SPICE1: variants seen among roughly 807,000 people sequenced by gnomAD.
SPICE1 encodes the protein spindle and centriole associated protein 1.
Under a neutral mutation model 102.7 loss-of-function variants are expected in SPICE1, and 75 were observed. The observed-to-expected ratio is 0.73, with a 90% CI of 0.61 to 0.88. The LOEUF (loss-of-function observed/expected upper bound fraction) is 0.88. Ranked by LOEUF, SPICE1 falls within the 40% of genes least tolerant of loss-of-function variation. The pLI is 0.00. For synonymous variants in SPICE1, 308 were observed against 350.3 expected, an observed-to-expected ratio of 0.88 and a Z score of 1.35; for missense variants, 979 against 1,020.1, an observed-to-expected ratio of 0.96 and a Z score of 0.55.
At chr3:113,488,387 A>G (rs936117146) in intron 7 of SPICE1, among the ~76,000 whole-genome samples, 1 of 152,362 alleles carries the variant, frequency 6.6e-6, no homozygotes, top group Non-Finnish European at 1.5e-5. Flanking sequence ...AAAATGTGGT[A>G]TAGACACACC....
intron 7 of SPICE1, among the ~76,000 whole-genome samples, chr3:113,480,758 G>A (rs779899209): frequency 6.6e-5 from 10 of 151,906 alleles, no homozygotes; most frequent in Non-Finnish European, 1.2e-4. Flanking sequence ...TTGCATGCCT[G>A]TAGTCCCGGC....
At chr3:113,502,461 T>C (rs947232343) in intron 3 of SPICE1, among the ~76,000 whole-genome samples, 5 of 152,062 alleles carry the variant, frequency 3.3e-5, no homozygotes, top group Admixed American at 1.3e-4. Flanking sequence ...ACAAAGTACA[T>C]TGGTCATTGC....
At chr3:113,484,753 T>C (rs1936604598) in intron 7 of SPICE1, among the ~76,000 whole-genome samples, 1 of 151,970 alleles carries the variant, frequency 6.6e-6, no homozygotes, top group South Asian at 2.1e-4. Context: ...CTGTTTGTTA[T>C]GATTTCCATT....
Position 113,446,660 on chromosome 3 carries a change from C to G in SPICE1, c.2443G>C (p.Gly815Arg), listed in dbSNP as rs374736447. ...INTRRSSGAT[G>R]NSCSPLNATS... ...GCATTTAGTGGAGAACAAGAATTAC[C>G]AGTAGCCCCGGAAGATCTATTCATG... Residue 815 changes from glycine (G) to arginine (R), a missense_variant, in exon 17 of 18, where the codon GGT (glycine) becomes CGT (arginine). Physicochemically the swap from Gly to Arg is moderately radical, Grantham distance 125. Coordinates refer to ENST00000295872, the MANE Select transcript of SPICE1 (RefSeq NM_144718.4). 3.7e-6 allele frequency: 6 copies of G among 1,613,104 alleles called. No homozygotes were observed. The African/African-American group carries it at 8.0e-5, about 22-fold the overall frequency.
chr3:113,473,688 G>C (rs1374668221), intron 7 of SPICE1, among the ~76,000 whole-genome samples: 1 of 151,376 alleles, frequency 6.6e-6, no homozygotes, highest in African/African-American at 2.4e-5. Flanking sequence ...GCCAAACTAA[G>C]CTTCATAAGT....
Position 113,453,954 on chromosome 3 carries a change from T to C in SPICE1, c.1658-4A>G, listed in dbSNP as rs1224076334. 6 of 1,579,364 alleles carry C rather than the reference T, an allele frequency of 3.8e-6. No individual in the cohort carries two copies. Among genetic ancestry groups the C allele is most frequent in the East Asian group, 4.5e-5 (2 of 44,502 alleles). On this transcript the variant is annotated splice_polypyrimidine_tract_variant and splice_region_variant and intron_variant, in intron 13 of 17. Transcript: ENST00000295872. ...GTTTGAACAGTCCTTCTCAATACTA[T>C]AGATAAGAATTTAAAAATAACAAAT...
intron 15 of SPICE1, among the ~76,000 whole-genome samples, chr3:113,448,681 CTAAG>C (rs1935572822): frequency 6.6e-6 from 1 of 152,098 alleles, no homozygotes; most frequent in African/African-American, 2.4e-5. Flanking sequence ...AGCATATTTA[CTAAG>C]TATTTACTAA....
At chr3:113,461,304 T>C (rs1446874826) in intron 11 of SPICE1, among the ~76,000 whole-genome samples, 1 of 151,740 alleles carries the variant, frequency 6.6e-6, no homozygotes. Flanking sequence ...GATATTCTCA[T>C]CTTTGTCTAT....
At position 113,493,277 on chromosome 3, in the gene SPICE1, G is replaced by T; in HGVS notation, c.421C>A (p.Gln141Lys). 6.2e-7 allele frequency: 1 copy of T among 1,613,954 alleles called. No homozygotes were observed. Among genetic ancestry groups the T allele is most frequent in the Non-Finnish European group, 8.5e-7 (1 of 1,179,926 alleles). Residue 141 changes from glutamine to lysine, a missense_variant, in exon 6 of 18, where the codon CAG becomes AAG. Physicochemically the swap from Gln to Lys is moderately conservative, Grantham distance 53 (BLOSUM62 1). Transcript: ENST00000295872. ...PNVTVAPDSS[Q>K]GPIVVNQDPI... Reference sequence around the variant, plus strand: ...TCTTGATTTACCACAATGGGACCCTGAGAGGAATCAGGAGCCACTGTTACA... The same window carrying T: ...TCTTGATTTACCACAATGGGACCCTTAGAGGAATCAGGAGCCACTGTTACA...
intron 4 of SPICE1, among the ~76,000 whole-genome samples, chr3:113,498,501 G>A (rs1446749864): frequency 6.6e-6 from 1 of 152,126 alleles, no homozygotes; most frequent in Admixed American, 6.5e-5. Flanking sequence ...ACATTTAAAT[G>A]TATGCGACTT....
chr3:113,501,826 C>A (rs1287452765), intron 3 of SPICE1, among the ~76,000 whole-genome samples: 1 of 152,144 alleles, frequency 6.6e-6, no homozygotes, highest in African/African-American at 2.4e-5. Context: ...GCAGCCACTT[C>A]ATAGAACAGT....
At chr3:113,472,524 G>T (rs569463851) in intron 7 of SPICE1, among the ~76,000 whole-genome samples, 2 of 152,332 alleles carry the variant, frequency 1.3e-5, no homozygotes, top group South Asian at 4.1e-4. Context: ...AGCCTAACTA[G>T]GAGGCAACCC....
chr3:113,457,364 A>C lies in SPICE1; in HGVS notation c.1436-7T>G. 1.2e-6 allele frequency: 2 copies of C among 1,613,854 alleles called. No individual in the cohort carries two copies. The highest frequency in any genetic ancestry group is 1.1e-5 in the South Asian group (1 of 91,080). ...GCATTTACAACTGGACGCTCTGAAGAAGATGAGAGGATATTAGTACAATAG... is the reference window on the plus strand; with the variant it reads ...GCATTTACAACTGGACGCTCTGAAGCAGATGAGAGGATATTAGTACAATAG... On this transcript the variant is annotated splice_polypyrimidine_tract_variant and splice_region_variant and intron_variant, in intron 12 of 17. Transcript: ENST00000295872.
At position 113,453,656 on chromosome 3, in the gene SPICE1, C is replaced by T. The variant is rs765508428; in HGVS notation, c.1952G>A (p.Gly651Glu). ...PTFSEELPVL[G>E]DGQQLRTNES... is the part of the protein sequence containing the mutation. ...ATTTGTTCTCAGCTGCTGCCCATCT[C>T]CCAGTACTGGGAGCTCTTCTGAGAA... The change falls in exon 14 of 18, where the codon GGA becomes GAA. Residue 651 changes from glycine (G) to glutamate (E), a missense_variant. Coordinates refer to ENST00000295872, the MANE Select transcript of SPICE1 (RefSeq NM_144718.4). 2 of 1,614,140 alleles carry T rather than the reference C, an allele frequency of 1.2e-6. No homozygotes were observed. The highest frequency in any genetic ancestry group is 8.5e-7 in the Non-Finnish European group (1 of 1,180,024).
chr3:113,443,439 C>G lies in SPICE1; in HGVS notation c.*1868G>C, dbSNP rs1935435082. 6.6e-6 allele frequency: 1 copy of G among 152,216 alleles called. No homozygotes were observed. 9.4% of individuals were successfully genotyped at this position (152,216 alleles called of 1,614,324 possible). A position where few individuals can be genotyped will look rare whatever the true frequency, so the allele number is the denominator to read the frequency against. ...TTACAAGCACTCTGTCATTAGACAA[C>G]TTTCTTCACCTCTAGGGCTCAGCAT... On this transcript the variant is annotated 3_prime_UTR_variant, in exon 18 of 18. Coordinates refer to ENST00000295872, the MANE Select transcript of SPICE1 (RefSeq NM_144718.4).
At chr3:113,489,371 T>G (rs963319881) in intron 6 of SPICE1, among the ~76,000 whole-genome samples, 1 of 152,160 alleles carries the variant, frequency 6.6e-6, no homozygotes, top group Admixed American at 6.6e-5. Flanking sequence ...ACCAAACTTC[T>G]TGAAAGAGTT....
intron 15 of SPICE1, chr3:113,448,776 A>T (rs988651263): frequency 8.5e-5 from 13 of 152,226 alleles, no homozygotes; most frequent in Admixed American, 2.0e-4. Flanking sequence ...AAGGTAATAA[A>T]ACCCTATTTA....
At chr3:113,512,926 CTAAA>C (rs1937249137) in intron 1 of SPICE1, among the ~76,000 whole-genome samples, 1 of 152,136 alleles carries the variant, frequency 6.6e-6, no homozygotes. Context: ...ACTAAGTAAA[CTAAA>C]TAAACTAAGA....
intron 1 of SPICE1, among the ~76,000 whole-genome samples, chr3:113,511,004 GA>G (rs1433519887): frequency 1.3e-5 from 2 of 152,076 alleles, no homozygotes; most frequent in African/African-American, 2.4e-5. Context: ...ACAAACGTAT[GA>G]AAAAAAGTCA....
Sources: allele counts gnomAD v4.1 joint callset (sites outside exome capture counted in the v4.1 genomes callset), GRCh38; gene constraint gnomAD v4.1.1; transcripts MANE v1.5; gene names NCBI Gene and HGNC (gene_info 2026-07-23, HGNC 2026-07-21).